Variants in CNTN5 observed in about 807,000 individuals in gnomAD.
The protein encoded by CNTN5 is contactin 5.
Under a neutral mutation model 129.1 loss-of-function variants are expected in CNTN5, and 77 were observed. The observed-to-expected ratio is 0.60, with a 90% confidence interval of 0.50 to 0.72. The LOEUF (loss-of-function observed/expected upper bound fraction) is 0.72. Among genes scored for constraint, CNTN5 ranks in the 30% least tolerant of loss-of-function variants. The pLI, the probability that CNTN5 is intolerant of heterozygous loss-of-function variation, is 0.00. For synonymous variants in CNTN5, 509 were observed against 465.6 expected, an observed-to-expected ratio of 1.09 and a Z score of -1.20; for missense variants, 1,478 against 1,328.8, an observed-to-expected ratio of 1.11 and a Z score of -1.75.
intron 13 of CNTN5, among the ~76,000 whole-genome samples, chr11:100,145,993 G>C (rs556317831): frequency 1.3e-5 from 2 of 152,262 alleles, no homozygotes; most frequent in East Asian, 3.9e-4. Context: ...TTATCTTAAT[G>C]TGTGAGATAT....
At chr11:100,097,872 T>C (rs1353595114) in intron 13 of CNTN5, among the ~76,000 whole-genome samples, 1 of 152,114 alleles carries the variant, frequency 6.6e-6, no homozygotes, top group Non-Finnish European at 1.5e-5. Flanking sequence ...TATCCTCTGT[T>C]ATTCCCATAT....
Position 100,255,928 on chromosome 11 carries a change from A to G in CNTN5, c.2164+10A>G, listed in dbSNP as rs1370555580. The G allele has an allele frequency of 6.2e-7, 1 of 1,613,220 alleles. No homozygotes were observed. Among genetic ancestry groups the G allele is most frequent in the African/African-American group, 1.3e-5 (1 of 74,922 alleles). Reference sequence around the variant, plus strand: ...CAAACAGTAAAGACAGGTAAGAGGCACTAAAGCAACATCAGATATAACCAG... The same window carrying G: ...CAAACAGTAAAGACAGGTAAGAGGCGCTAAAGCAACATCAGATATAACCAG... On this transcript the variant is annotated intron_variant, in intron 17 of 24. Coordinates refer to ENST00000524871, the MANE Select transcript of CNTN5 (RefSeq NM_014361.4).
At chr11:100,242,528 G>A (rs780721634) in intron 16 of CNTN5, among the ~76,000 whole-genome samples, 10 of 152,120 alleles carry the variant, frequency 6.6e-5, no homozygotes, top group Non-Finnish European at 1.2e-4. Context: ...TTACAATCAT[G>A]GTGGAATGCA....
At chr11:99,356,322 T>C (rs896383993) in intron 2 of CNTN5, among the ~76,000 whole-genome samples, 2 of 152,180 alleles carry the variant, frequency 1.3e-5, no homozygotes, top group African/African-American at 4.8e-5. Context: ...TCACTCTTTA[T>C]TGAGCATTTA....
intron 1 of CNTN5, among the ~76,000 whole-genome samples, chr11:99,127,593 T>C (rs1259441471): frequency 1.3e-5 from 2 of 152,222 alleles, no homozygotes; most frequent in Admixed American, 6.5e-5. Flanking sequence ...AGTTTCTCTC[T>C]GGTCGGTGTT....
intron 2 of CNTN5, among the ~76,000 whole-genome samples, chr11:99,371,467 G>GTTTATTATATAAA (rs1434930948): frequency 6.6e-6 from 1 of 152,014 alleles, no homozygotes; most frequent in African/African-American, 2.4e-5. Context: ...AGATCTGAGG[G>GTTTATTATATAAA]TTTATTATAT....
chr11:99,550,951 AGTTT>A (rs1427565596), intron 2 of CNTN5, among the ~76,000 whole-genome samples: 2 of 152,192 alleles, frequency 1.3e-5, no homozygotes, highest in African/African-American at 4.8e-5. Context: ...TTTGGCAAAA[AGTTT>A]GTTTAAGGCT....
intron 1 of CNTN5, among the ~76,000 whole-genome samples, chr11:99,214,653 T>C (rs1860027198): frequency 6.6e-6 from 1 of 152,074 alleles, no homozygotes; most frequent in African/African-American, 2.4e-5. Context: ...CCCTAGTAAT[T>C]TGATGGCTCT....
chr11:99,546,761 A>C (rs1948306405), intron 2 of CNTN5, among the ~76,000 whole-genome samples: 1 of 151,902 alleles, frequency 6.6e-6, no homozygotes, highest in South Asian at 2.1e-4. Context: ...CTCAGGCTTG[A>C]TCTCCTACCA....
chr11:99,407,161 T>C (rs1411803120), intron 2 of CNTN5, among the ~76,000 whole-genome samples: 1 of 151,744 alleles, frequency 6.6e-6, no homozygotes, highest in Non-Finnish European at 1.5e-5. Context: ...AATGTGCTGA[T>C]TCCCATCTGA....
chr11:99,042,365 C>CTTCT (rs1864022748), intron 1 of CNTN5, among the ~76,000 whole-genome samples: 4 of 83,800 alleles, frequency 4.8e-5, no homozygotes, highest in Non-Finnish European at 4.5e-5. Context: ...TCTTCTTCTT[C>CTTCT]TTTTTTTTTT....
chr11:100,274,357 C>CA (rs1478345460), intron 18 of CNTN5, among the ~76,000 whole-genome samples: 1 of 152,192 alleles, frequency 6.6e-6, no homozygotes, highest in Non-Finnish European at 1.5e-5. Flanking sequence ...ACAACAAAAA[C>CA]AAAAATTGAC....
At chr11:99,444,218 GAGAA>G (rs796986503) in intron 2 of CNTN5, among the ~76,000 whole-genome samples, 50 of 152,096 alleles carry the variant, frequency 3.3e-4, no homozygotes, top group African/African-American at 1.1e-3. Context: ...GAGAGAGAGA[GAGAA>G]AGAGAGAGAG....
intron 2 of CNTN5, among the ~76,000 whole-genome samples, chr11:99,527,357 TC>T (rs1419213947): frequency 2.0e-5 from 3 of 152,316 alleles, no homozygotes; most frequent in African/African-American, 7.2e-5. Context: ...ATTAATGTGA[TC>T]CCTAGGTTAA....
At chr11:99,932,950 G>A (rs576378470) in intron 7 of CNTN5, among the ~76,000 whole-genome samples, 1 of 151,996 alleles carries the variant, frequency 6.6e-6, no homozygotes, top group African/African-American at 2.4e-5. Flanking sequence ...TTTCCTACTC[G>A]ATGTAGGCTA....
chr11:100,085,582 C>G (rs1463984350), intron 13 of CNTN5, among the ~76,000 whole-genome samples: 1 of 151,950 alleles, frequency 6.6e-6, no homozygotes, highest in Non-Finnish European at 1.5e-5. Context: ...AATATAGACA[C>G]CTATAAAATA....
chr11:99,404,295 T>C (rs954398380), intron 2 of CNTN5, among the ~76,000 whole-genome samples: 8 of 151,980 alleles, frequency 5.3e-5, no homozygotes, highest in African/African-American at 1.7e-4. Context: ...ATGGTTTTTT[T>C]TTTTCTTTAT....
chr11:99,476,629 T>C (rs916983055), intron 2 of CNTN5, among the ~76,000 whole-genome samples: 1 of 152,166 alleles, frequency 6.6e-6, no homozygotes, highest in Non-Finnish European at 1.5e-5. Flanking sequence ...TTCATAATTA[T>C]GAACTGATTT....
At chr11:99,336,951 T>C (rs551073014) in intron 2 of CNTN5, among the ~76,000 whole-genome samples, 1 of 151,724 alleles carries the variant, frequency 6.6e-6, no homozygotes, top group African/African-American at 2.4e-5. Flanking sequence ...GGTGTACAGA[T>C]TTTTTTTTAC....
Sources: allele counts gnomAD v4.1 joint callset (sites outside exome capture counted in the v4.1 genomes callset), GRCh38; gene constraint gnomAD v4.1.1; transcripts MANE v1.5; gene names NCBI Gene and HGNC (gene_info 2026-07-23, HGNC 2026-07-21).